The following ARHGAP44 variants were observed in gnomAD, a reference collection of about 807,000 sequenced individuals.
ARHGAP44 encodes rho GTPase-activating protein 44.
In ARHGAP44, 43 loss-of-function variants were observed where a neutral mutation model predicts 106.8. The ratio of observed to expected loss-of-function variants is 0.40; its 90% confidence interval spans 0.32 to 0.52. The LOEUF (loss-of-function observed/expected upper bound fraction) is 0.52. Among genes scored for constraint, ARHGAP44 ranks in the 20% least tolerant of loss-of-function variants. ARHGAP44 has a pLI of 0.48. For missense variants in ARHGAP44, 866 were observed against 1,050.5 expected (o/e 0.82, Z 2.43); for synonymous variants, 439 against 410.3 (o/e 1.07, Z -0.85).
chr17:12,900,447 C>T (rs935747358), intron 3 of ARHGAP44, among the ~76,000 whole-genome samples: 1 of 152,084 alleles, frequency 6.6e-6, no homozygotes, highest in African/African-American at 2.4e-5. Flanking sequence ...CATCTTTAGT[C>T]CTGGATAATA....
At chr17:12,969,485 A>G (rs12950148) in intron 16 of ARHGAP44, among the ~76,000 whole-genome samples, 27,628 of 152,186 alleles carry the variant, frequency 0.18, 2,533 homozygotes, top group Middle Eastern at 0.21. Flanking sequence ...ATTCGAGGAT[A>G]ATCAGATAGA....
chr17:12,801,138 A>G (rs1159634766), intron 1 of ARHGAP44, among the ~76,000 whole-genome samples: 1 of 152,260 alleles, frequency 6.6e-6, no homozygotes, highest in African/African-American at 2.4e-5. Context: ...AAGCCTCTAC[A>G]GACTCCTATG....
chr17:12,838,986 C>T (rs1006550744), intron 1 of ARHGAP44, among the ~76,000 whole-genome samples: 6 of 152,140 alleles, frequency 3.9e-5, no homozygotes, highest in Admixed American at 1.3e-4. Context: ...GGATTACAGA[C>T]GTGAGGCACT....
At chr17:12,880,719 A>G (rs1293472855) in intron 1 of ARHGAP44, among the ~76,000 whole-genome samples, 1 of 151,892 alleles carries the variant, frequency 6.6e-6, no homozygotes, top group African/African-American at 2.4e-5. Flanking sequence ...CTTAATGAGT[A>G]TAGTGGAAAA....
chr17:12,860,864 T>C (rs1040136852), intron 1 of ARHGAP44, among the ~76,000 whole-genome samples: 3 of 21,006 alleles, frequency 1.4e-4, no homozygotes, highest in African/African-American at 3.5e-4. Context: ...TTCTTTTTTT[T>C]TTTTTTTTTT....
Position 12,802,841 on chromosome 17 carries a change from C to T in ARHGAP44, c.53+12950C>T, listed in dbSNP as rs1373710149. The stretch of plus-strand genomic sequence containing the variant: ...TGGCGTGAGCTCGGTCCACTGCAAC[C>T]TCCGCCTCCCGGGTTCAAGTGATTC... On this transcript the variant is annotated intron_variant, in intron 1 of 20. Transcript: ENST00000379672. 2.2e-5 allele frequency among the ~76,000 whole-genome samples: 3 copies of T among 139,470 alleles called. No individual in the cohort carries two copies. In the Admixed American group the frequency reaches 2.2e-4, roughly 10 times the overall value. The allele number at this position is 139,470 out of a possible 152,430, so 91.5% of individuals were successfully genotyped here.
intron 16 of ARHGAP44, among the ~76,000 whole-genome samples, chr17:12,972,743 G>T (rs1327397620): frequency 1.3e-5 from 2 of 150,616 alleles, no homozygotes; most frequent in Non-Finnish European, 3.0e-5. Context: ...CTCACTGCAA[G>T]CTCCACCTCC....
chr17:12,973,770 G>T (rs923740921), intron 17 of ARHGAP44: 1 of 524,048 alleles, frequency 1.9e-6, no homozygotes, highest in Non-Finnish European at 3.4e-6. Flanking sequence ...GGAGCTTGCC[G>T]GGCCATCATC....
intron 16 of ARHGAP44, among the ~76,000 whole-genome samples, chr17:12,966,468 GA>G (rs1190240181): frequency 6.6e-6 from 1 of 152,166 alleles, no homozygotes; most frequent in Non-Finnish European, 1.5e-5. Context: ...ACTTACTGAA[GA>G]GAGGAGTTAC....
At chr17:12,800,338 A>G (rs995668658) in intron 1 of ARHGAP44, among the ~76,000 whole-genome samples, 3 of 152,200 alleles carry the variant, frequency 2.0e-5, no homozygotes, top group Admixed American at 6.5e-5. Flanking sequence ...TTGAATCCCC[A>G]TGGTGACTAA....
At chr17:12,871,351 G>T (rs565014752) in intron 1 of ARHGAP44, among the ~76,000 whole-genome samples, 12 of 152,212 alleles carry the variant, frequency 7.9e-5, no homozygotes, top group Non-Finnish European at 1.3e-4. Flanking sequence ...GTCCATTCTC[G>T]CACTGCTGTA....
chr17:12,842,450 G>T lies in ARHGAP44; in HGVS notation c.54-52490G>T, dbSNP rs1022506249. On this transcript the variant is annotated intron_variant, in intron 1 of 20. Transcript: ENST00000379672. ...AAAAAAAAAGAAAGAAAAAAGAAAAGAAAAGAAAAAAATCATCCCAGGTTA... is the reference window on the plus strand; with the variant it reads ...AAAAAAAAAGAAAGAAAAAAGAAAATAAAAGAAAAAAATCATCCCAGGTTA... Among the ~76,000 whole-genome samples the T allele has an allele frequency of 4.9e-5, 6 of 122,248 alleles. No individual in the cohort carries two copies. The East Asian group carries it at 1.2e-3, about 23-fold the overall frequency. The allele number at this position is 122,248 out of a possible 152,430, so 80.2% of individuals were successfully genotyped here. A position where few individuals can be genotyped will look rare whatever the true frequency, so the allele number is the denominator to read the frequency against.
chr17:12,968,394 G>T (rs1167773950), intron 16 of ARHGAP44, among the ~76,000 whole-genome samples: 1 of 152,194 alleles, frequency 6.6e-6, no homozygotes, highest in African/African-American at 2.4e-5. Context: ...GTGTAAGCAG[G>T]AAGTGCTGTG....
intron 13 of ARHGAP44, among the ~76,000 whole-genome samples, chr17:12,952,883 A>C (rs1188335681): frequency 6.6e-6 from 1 of 150,982 alleles, no homozygotes; most frequent in African/African-American, 2.4e-5. Context: ...ACCCACCACC[A>C]CGCGTGGTCT....
chr17:12,989,100 CCA>C (rs1567728588), intron 20 of ARHGAP44, among the ~76,000 whole-genome samples: 66 of 32,020 alleles, frequency 2.1e-3, no homozygotes, highest in Non-Finnish European at 3.0e-3. Flanking sequence ...TCCACCCCCC[CCA>C]AAAAAAAAAA....
At chr17:12,952,722 CTTTTTTTTTTT>C (rs201371135) in intron 13 of ARHGAP44, 141 bp downstream of exon 13, 9,246 of 306,076 alleles carry the variant, frequency 0.03, 11 homozygotes, top group East Asian at 0.068. Flanking sequence ...TGCATGGTCT[CTTTTTTTTTTT>C]TTTTTTTTTT....
At chr17:12,944,600 C>T (rs1032788833) in intron 10 of ARHGAP44, among the ~76,000 whole-genome samples, 3 of 151,786 alleles carry the variant, frequency 2.0e-5, no homozygotes, top group Non-Finnish European at 4.4e-5. Context: ...ATTCTCCTGC[C>T]TCAGCCTCCC....
intron 8 of ARHGAP44, among the ~76,000 whole-genome samples, chr17:12,941,473 A>G (rs1015908308): frequency 3.9e-5 from 6 of 152,136 alleles, no homozygotes; most frequent in African/African-American, 1.2e-4. Context: ...GAGGCCAGAG[A>G]TGCTTGTAAA....
chr17:12,810,857 A>G (rs1288573241), intron 1 of ARHGAP44, among the ~76,000 whole-genome samples: 1 of 152,210 alleles, frequency 6.6e-6, no homozygotes, highest in East Asian at 1.9e-4. Context: ...TCGAAAATCC[A>G]GGTGTAACTT....
Sources: allele counts gnomAD v4.1 joint callset (sites outside exome capture counted in the v4.1 genomes callset), GRCh38; gene constraint gnomAD v4.1.1; transcripts MANE v1.5; gene names NCBI Gene and HGNC (gene_info 2026-07-23, HGNC 2026-07-21).